ALPK2: variants seen among roughly 807,000 people sequenced by gnomAD.
The protein encoded by ALPK2 is alpha-protein kinase 2.
In ALPK2, 127 loss-of-function variants were observed where a neutral mutation model predicts 163.1. That is an observed-to-expected ratio of 0.78 (90% CI 0.67 to 0.90). ALPK2 has a LOEUF of 0.90. ALPK2 is among the 40% of genes least tolerant of loss of function. ALPK2 has a pLI of 0.00. For missense variants in ALPK2, 2,360 were observed against 2,589.6 expected (o/e 0.91, Z 1.92); for synonymous variants, 953 against 959.1 (o/e 0.99, Z 0.12).
chr18:58,502,523 G>C (rs2051437882), intron 11 of ALPK2, among the ~76,000 whole-genome samples: 1 of 152,236 alleles, frequency 6.6e-6, no homozygotes, highest in Non-Finnish European at 1.5e-5. Flanking sequence ...GGAAGTGGCA[G>C]TGCAGGGAAC....
intron 4 of ALPK2, among the ~76,000 whole-genome samples, chr18:58,566,907 G>A (rs1360366100): frequency 6.6e-6 from 1 of 152,116 alleles, no homozygotes; most frequent in Non-Finnish European, 1.5e-5. Context: ...TCTAAAAGTT[G>A]TAGTATTCTC....
At chr18:58,487,157 T>A (rs1028568241) in intron 12 of ALPK2, among the ~76,000 whole-genome samples, 44 of 118,364 alleles carry the variant, frequency 3.7e-4, no homozygotes, top group African/African-American at 1.2e-3. Context: ...TATTTGGAAA[T>A]CACATCATTA....
intron 5 of ALPK2, among the ~76,000 whole-genome samples, chr18:58,530,337 C>T (rs189009832): frequency 1.7e-4 from 26 of 152,260 alleles, no homozygotes; most frequent in Non-Finnish European, 2.6e-4. Context: ...CTAACAGTAT[C>T]CTGGGAGCCA....
intron 3 of ALPK2, among the ~76,000 whole-genome samples, chr18:58,604,250 G>A (rs770143663): frequency 5.3e-5 from 8 of 152,182 alleles, no homozygotes; most frequent in Non-Finnish European, 1.0e-4. Context: ...TTTGGGCTAT[G>A]AGCTAATCCA....
At chr18:58,573,880 C>G (rs961570728) in intron 4 of ALPK2, among the ~76,000 whole-genome samples, 4 of 151,912 alleles carry the variant, frequency 2.6e-5, no homozygotes, top group African/African-American at 9.7e-5. Context: ...CTTGAAGCAG[C>G]AGGTAGGCTG....
chr18:58,614,858 C>T (rs2052156519), intron 1 of ALPK2, among the ~76,000 whole-genome samples: 1 of 152,224 alleles, frequency 6.6e-6, no homozygotes, highest in African/African-American at 2.4e-5. Flanking sequence ...ATTCTCATTA[C>T]TCTAGAGAAT....
chr18:58,584,290 T>C (rs1044951060), intron 3 of ALPK2, among the ~76,000 whole-genome samples: 1 of 152,206 alleles, frequency 6.6e-6, no homozygotes, highest in African/African-American at 2.4e-5. Flanking sequence ...CTTTGCTAAT[T>C]ATCTCGAAGC....
At chr18:58,618,705 AG>A (rs2052182996) in intron 1 of ALPK2, among the ~76,000 whole-genome samples, 1 of 152,274 alleles carries the variant, frequency 6.6e-6, no homozygotes, top group Non-Finnish European at 1.5e-5. Flanking sequence ...CAAAGGCTAT[AG>A]GAGCGTTATT....
intron 5 of ALPK2, among the ~76,000 whole-genome samples, chr18:58,533,970 C>T (rs900789165): frequency 2.0e-5 from 3 of 152,130 alleles, no homozygotes; most frequent in African/African-American, 7.2e-5. Flanking sequence ...CGTAGCTTTT[C>T]GCTCCAGAGC....
intron 11 of ALPK2, among the ~76,000 whole-genome samples, chr18:58,501,772 C>T (rs1409158195): frequency 6.6e-6 from 1 of 152,040 alleles, no homozygotes; most frequent in African/African-American, 2.4e-5. Flanking sequence ...TCTATCTTCT[C>T]TGCAGGGTTA....
chr18:58,511,701 GA>G (rs1359513046), intron 10 of ALPK2: 1 of 152,198 alleles, frequency 6.6e-6, no homozygotes, highest in Non-Finnish European at 1.5e-5. Context: ...ACACTTCAAA[GA>G]AATTACACCT....
chr18:58,556,515 G>A (rs973046252), intron 4 of ALPK2, among the ~76,000 whole-genome samples: 2 of 151,980 alleles, frequency 1.3e-5, no homozygotes, highest in Admixed American at 1.3e-4. Context: ...CCCAGGCACC[G>A]TGCATTTCTA....
intron 3 of ALPK2, among the ~76,000 whole-genome samples, chr18:58,603,107 C>T (rs1022698663): frequency 3.9e-5 from 6 of 152,136 alleles, no homozygotes; most frequent in African/African-American, 9.7e-5. Flanking sequence ...CAGCCTATAC[C>T]GCTGCTCTGC....
chr18:58,592,010 T>C (rs1034632058), intron 3 of ALPK2, among the ~76,000 whole-genome samples: 2 of 152,076 alleles, frequency 1.3e-5, no homozygotes, highest in African/African-American at 4.8e-5. Context: ...GGGAAGCAAA[T>C]AAAATAGTCA....
At position 58,536,353 on chromosome 18, in the gene ALPK2, A is replaced by G; in HGVS notation, c.3834T>C (p.Ser1278=). ...IPDKVWAVPD[S]LKADAVVPEL... ...CAGGCACAACAGCATCTGCCTTTAG[A>G]CTATCAGGTACAGCCCAGACCTTGT... Residue 1278 remains serine (S), a synonymous_variant, in exon 5 of 13, where the codon AGT becomes AGC. Coordinates refer to ENST00000361673, the MANE Select transcript of ALPK2 (RefSeq NM_052947.4). The G allele has an allele frequency of 6.2e-7, 1 of 1,614,184 alleles. No homozygotes were observed. The highest frequency in any genetic ancestry group is 8.5e-7 in the Non-Finnish European group (1 of 1,180,032).
At chr18:58,515,812 T>C (rs113337572) in intron 9 of ALPK2, among the ~76,000 whole-genome samples, 57 of 152,364 alleles carry the variant, frequency 3.7e-4, no homozygotes, top group African/African-American at 1.3e-3. Context: ...ATTTTAATAT[T>C]TTAAATGTTT....
In ALPK2 at chr18:58,580,513, G is replaced by T. The variant is rs199755126; in HGVS notation, c.263C>A (p.Ser88Ter). ...GATCATTCCAAAAGAGTTTTTAGCC[G>T]AGATTTGATAGACAGCAGCATCATT... ...TKNDAAVYQI[S>*]AKNSFGMICC... The change falls in exon 4 of 13, where the codon TCG becomes TAG. Residue 88 changes from serine to a stop codon, truncating the protein, a stop_gained. Transcript: ENST00000361673. LOFTEE classifies it high-confidence loss of function. 3.7e-6 allele frequency: 6 copies of T among 1,613,860 alleles called. No homozygotes were observed. Among genetic ancestry groups the T allele is most frequent in the Non-Finnish European group, 3.4e-6 (4 of 1,179,860 alleles).
At chr18:58,586,533 T>C (rs1424254063) in intron 3 of ALPK2, among the ~76,000 whole-genome samples, 1 of 152,130 alleles carries the variant, frequency 6.6e-6, no homozygotes, top group African/African-American at 2.4e-5. Context: ...ACAGTAGTCT[T>C]GAAAACCAAG....
intron 1 of ALPK2, among the ~76,000 whole-genome samples, chr18:58,624,012 C>A (rs1034257605): frequency 1.3e-5 from 2 of 152,200 alleles, no homozygotes; most frequent in Non-Finnish European, 2.9e-5. Context: ...AGTGGCCATT[C>A]GCTTGTCCTC....
Sources: gnomAD v4.1 joint callset for allele counts (sites outside exome capture counted in the v4.1 genomes callset) on GRCh38, gnomAD v4.1.1 for gene constraint, MANE v1.5 for transcripts, NCBI Gene and HGNC (gene_info 2026-07-23, HGNC 2026-07-21) for gene names.